ST6GALNAC3: variants seen among roughly 807,000 people sequenced by gnomAD.
The protein encoded by ST6GALNAC3 is ST6 N-acetylgalactosaminide alpha-2,6-sialyltransferase 3, also known as alpha-N-acetylgalactosaminide alpha-2,6-sialyltransferase 3.
Under a neutral mutation model 32.7 loss-of-function variants are expected in ST6GALNAC3, and 25 were observed. That is an observed-to-expected ratio of 0.76 (90% CI 0.56 to 1.07). ST6GALNAC3 has a LOEUF of 1.07. ST6GALNAC3 is among the 50% of genes least tolerant of loss of function. ST6GALNAC3 has a pLI of 0.00. For synonymous variants in ST6GALNAC3, 129 were observed against 133.1 expected (o/e 0.97, Z 0.21); for missense variants, 355 against 382.4 (o/e 0.93, Z 0.60).
intron 2 of ST6GALNAC3, among the ~76,000 whole-genome samples, chr1:76,335,209 G>C (rs528736265): frequency 3.9e-5 from 6 of 152,204 alleles, no homozygotes; most frequent in African/African-American, 1.2e-4. Context: ...AATAGGGCAG[G>C]CTTGCTGAGC....
In ST6GALNAC3 at chr1:76,598,334, G is replaced by C. The variant is rs549958344; in HGVS notation, c.624-29118G>C. ...AAGATGGTGAATTCTTCCTGAGCAC[G>C]TGCCAGTCAGACTCCAGGAGAGCAG... On this transcript the variant is annotated intron_variant, in intron 3 of 4. Coordinates refer to ENST00000328299, the MANE Select transcript of ST6GALNAC3 (RefSeq NM_152996.4). Among the ~76,000 whole-genome samples, 17 of 152,218 alleles carry C rather than the reference G, an allele frequency of 1.1e-4. No individual in the cohort carries two copies. The East Asian group carries it at 3.3e-3, about 29-fold the overall frequency.
chr1:76,229,892 A>C (rs1656274902), intron 1 of ST6GALNAC3, among the ~76,000 whole-genome samples: 2 of 152,202 alleles, frequency 1.3e-5, no homozygotes, highest in East Asian at 3.8e-4. Flanking sequence ...AGGGAGGAGC[A>C]GAGGGGCCTC....
intron 3 of ST6GALNAC3, among the ~76,000 whole-genome samples, chr1:76,469,251 T>C (rs1658859211): frequency 6.6e-6 from 1 of 152,186 alleles, no homozygotes; most frequent in African/African-American, 2.4e-5. Flanking sequence ...ACCCTCCTGT[T>C]TCCTCCTTCA....
At chr1:76,206,252 T>A (rs1346193561) in intron 1 of ST6GALNAC3, among the ~76,000 whole-genome samples, 1 of 152,172 alleles carries the variant, frequency 6.6e-6, no homozygotes, top group Non-Finnish European at 1.5e-5. Context: ...ATACCTCTTT[T>A]GTTGTCAGCC....
intron 3 of ST6GALNAC3, among the ~76,000 whole-genome samples, chr1:76,522,348 AT>A (rs942250925): frequency 4.0e-5 from 6 of 151,756 alleles, no homozygotes; most frequent in East Asian, 3.9e-4. Context: ...CAATTTGGAA[AT>A]TTTTTTTGCC....
chr1:76,420,878 A>G (rs1033232589), intron 3 of ST6GALNAC3, among the ~76,000 whole-genome samples: 3 of 152,100 alleles, frequency 2.0e-5, no homozygotes, highest in Admixed American at 6.6e-5. Context: ...ATATCCCTAC[A>G]GAATTCCTAC....
chr1:76,386,385 G>A (rs141152876), intron 2 of ST6GALNAC3, among the ~76,000 whole-genome samples: 72 of 152,124 alleles, frequency 4.7e-4, no homozygotes, highest in African/African-American at 1.6e-3. Context: ...AATGAAAAAT[G>A]TGCCTGGTAC....
intron 3 of ST6GALNAC3, among the ~76,000 whole-genome samples, chr1:76,611,578 A>C (rs2100669469): frequency 6.6e-6 from 1 of 152,320 alleles, no homozygotes; most frequent in African/African-American, 2.4e-5. Flanking sequence ...CATTCATCTA[A>C]GTGAATTGTT....
intron 3 of ST6GALNAC3, among the ~76,000 whole-genome samples, chr1:76,449,861 G>A (rs528268126): frequency 7.8e-4 from 118 of 152,126 alleles, no homozygotes; most frequent in African/African-American, 2.8e-3. Context: ...GGTGGTATTT[G>A]GTCACATATA....
At chr1:76,352,214 A>G (rs1291889407) in intron 2 of ST6GALNAC3, among the ~76,000 whole-genome samples, 1 of 152,252 alleles carries the variant, frequency 6.6e-6, no homozygotes, top group East Asian at 1.9e-4. Flanking sequence ...TTTGTAAGTA[A>G]ATATAGTTTC....
intron 3 of ST6GALNAC3, among the ~76,000 whole-genome samples, chr1:76,498,833 ACT>A (rs1163013931): frequency 6.6e-6 from 1 of 151,924 alleles, no homozygotes; most frequent in Non-Finnish European, 1.5e-5. Flanking sequence ...CTGGGAAGAG[ACT>A]CTGCTTTTCT....
intron 3 of ST6GALNAC3, among the ~76,000 whole-genome samples, chr1:76,493,011 A>G (rs1375320747): frequency 3.9e-5 from 6 of 152,060 alleles, no homozygotes; most frequent in Admixed American, 2.6e-4. Context: ...GAAGGACATG[A>G]AACAAAGAGT....
intron 3 of ST6GALNAC3, among the ~76,000 whole-genome samples, chr1:76,536,168 G>A (rs1340561832): frequency 6.6e-6 from 1 of 152,142 alleles, no homozygotes; most frequent in African/African-American, 2.4e-5. Context: ...TGAGAAACAG[G>A]TAGATAAAAT....
chr1:76,141,080 A>G (rs1650291974), intron 1 of ST6GALNAC3, among the ~76,000 whole-genome samples: 1 of 152,134 alleles, frequency 6.6e-6, no homozygotes, highest in African/African-American at 2.4e-5. Flanking sequence ...CTTGGTTTCC[A>G]TGCACCATGC....
intron 1 of ST6GALNAC3, among the ~76,000 whole-genome samples, chr1:76,125,371 T>C (rs1490463949): frequency 6.6e-6 from 1 of 152,208 alleles, no homozygotes; most frequent in Non-Finnish European, 1.5e-5. Context: ...GTTGGCTCTT[T>C]GTCCCACCTT....
intron 3 of ST6GALNAC3, among the ~76,000 whole-genome samples, chr1:76,607,641 G>A (rs1321875173): frequency 2.0e-5 from 3 of 152,114 alleles, no homozygotes; most frequent in East Asian, 1.9e-4. Context: ...CCTCTCTGCC[G>A]GGGATTTGGG....
At chr1:76,615,154 G>C (rs1187997710) in intron 3 of ST6GALNAC3, among the ~76,000 whole-genome samples, 1 of 152,112 alleles carries the variant, frequency 6.6e-6, no homozygotes, top group Non-Finnish European at 1.5e-5. Context: ...AAGAACCTAA[G>C]TGGTCAACAT....
intron 3 of ST6GALNAC3, among the ~76,000 whole-genome samples, chr1:76,587,099 A>C (rs1646973445): frequency 6.6e-6 from 1 of 152,200 alleles, no homozygotes; most frequent in African/African-American, 2.4e-5. Context: ...CCAGATATGA[A>C]GGCCAGTTTG....
intron 3 of ST6GALNAC3, among the ~76,000 whole-genome samples, chr1:76,622,723 A>G (rs746882064): frequency 2.4e-4 from 36 of 152,014 alleles, no homozygotes; most frequent in Non-Finnish European, 4.7e-4. Flanking sequence ...CCATCAAAGT[A>G]TGAATTTCTT....
Sources: gnomAD v4.1 joint callset for allele counts (sites outside exome capture counted in the v4.1 genomes callset) on GRCh38, gnomAD v4.1.1 for gene constraint, MANE v1.5 for transcripts, NCBI Gene and HGNC (gene_info 2026-07-23, HGNC 2026-07-21) for gene names.